Variants in GAK observed in about 807,000 individuals in gnomAD.
GAK encodes cyclin G associated kinase, also known as cyclin-G-associated kinase.
GAK carries 79 observed loss-of-function variants against 143.9 expected under a neutral mutation model. The observed-to-expected ratio is 0.55, with a 90% CI of 0.46 to 0.66. The LOEUF is 0.66. Ranked by LOEUF, GAK falls within the 30% of genes least tolerant of loss-of-function variation. The pLI is 0.00. For synonymous variants in GAK, 881 were observed against 765.5 expected (o/e 1.15, Z -2.49); for missense variants, 1,693 against 1,779.7 (o/e 0.95, Z 0.88).
At chr4:931,935 C>T (rs1725917267) in intron 1 of GAK, 108 bp downstream of exon 1, 2 of 814,998 alleles carry the variant, frequency 2.5e-6, no homozygotes, top group Non-Finnish European at 3.9e-6. Context: ...CCCGCTGGGA[C>T]CCTCCCCAGC....
intron 11 of GAK, 38 bp from the exon 12 acceptor site, chr4:884,124 A>G (rs774946095): frequency 1.3e-6 from 2 of 1,581,506 alleles, no homozygotes; most frequent in East Asian, 4.5e-5. Context: ...TATGACAAGA[A>G]ACACTCCGCA....
At chr4:876,874 T>G (rs1045123352) in intron 17 of GAK, among the ~76,000 whole-genome samples, 2 of 152,206 alleles carry the variant, frequency 1.3e-5, no homozygotes, top group Admixed American at 1.3e-4. Flanking sequence ...TCAGTCTCGA[T>G]GGAAACGCCA....
chr4:903,685 A>G lies in GAK; in HGVS notation c.525+952T>C, dbSNP rs980805906. Among the ~76,000 whole-genome samples, 807 of 118,596 alleles carry G rather than the reference A, an allele frequency of 6.8e-3. 1 individual carries two copies. The highest frequency in any genetic ancestry group is 0.017 in the African/African-American group (497 of 28,942). 77.8% of individuals were successfully genotyped at this position (118,596 alleles called of 152,430 possible). A position where few individuals can be genotyped will look rare whatever the true frequency, so the allele number is the denominator to read the frequency against. ...TGGGGTGAGCAGGAGTGCGGGGCCT[A>G]TAGTGACACCACCGGGGGGCGGTGG... On this transcript the variant is annotated intron_variant, in intron 5 of 27. Transcript: ENST00000314167.
At chr4:868,738 C>T in intron 19 of GAK, 53 bp from the exon 20 acceptor site, 2 of 1,519,570 alleles carry the variant, frequency 1.3e-6, no homozygotes, top group Admixed American at 2.0e-5. Context: ...AGCCTCGGGG[C>T]AACACTGACC....
At chr4:893,754 A>T in intron 8 of GAK, 120 bp downstream of exon 8, 1 of 1,233,756 alleles carries the variant, frequency 8.1e-7, no homozygotes, top group Non-Finnish European at 1.1e-6. Flanking sequence ...TGTCAAAACT[A>T]TGGTGACGGG....
chr4:902,596 C>CAAAAAAA lies in GAK; in HGVS notation c.525+2034_525+2040dup, dbSNP rs768017849. ...AGCCTGGGCTGTAGAGTGACTGACT[C>CAAAAAAA]AAAAAAAAAAAAAAAAAACCCCAAA... On this transcript the variant is annotated intron_variant, in intron 5 of 27. Coordinates refer to ENST00000314167, the MANE Select transcript of GAK (RefSeq NM_005255.4). Among the ~76,000 whole-genome samples the CAAAAAAA allele has an allele frequency of 1.5e-4, 9 of 60,722 alleles. 1 individual carries two copies. The highest frequency in any genetic ancestry group is 2.5e-4 in the African/African-American group (3 of 12,176). The allele number at this position is 60,722 out of a possible 152,430, so 39.8% of individuals were successfully genotyped here. A position where few individuals can be genotyped will look rare whatever the true frequency, so the allele number is the denominator to read the frequency against.
chr4:865,138 G>T lies in GAK; in HGVS notation c.3150C>A (p.Pro1050=). The stretch of plus-strand genomic sequence containing the variant: ...TGGCCATACCTTCTGTGGCTGGCGT[G>T]GGGGCCACTGCCGATGCTGCAGTCT... The part of the protein sequence containing the change: ...WTETAASAVA[P]TPATEGPLFS... Residue 1050 remains proline, a synonymous_variant, in exon 23 of 28, where the codon CCC becomes CCA. Coordinates refer to ENST00000314167, the MANE Select transcript of GAK (RefSeq NM_005255.4). The T allele has an allele frequency of 6.2e-7, 1 of 1,609,502 alleles. No homozygotes were observed. The highest frequency in any genetic ancestry group is 1.7e-4 in the Middle Eastern group (1 of 6,026).
intron 24 of GAK, among the ~76,000 whole-genome samples, chr4:854,872 CAT>C: frequency 6.6e-6 from 1 of 152,250 alleles, no homozygotes; most frequent in South Asian, 2.1e-4. Flanking sequence ...GGTGAAACCC[CAT>C]CTCTACTAAA....
intron 8 of GAK, 106 bp from the exon 9 acceptor site, chr4:893,595 C>T: frequency 2.5e-6 from 2 of 800,698 alleles, no homozygotes; most frequent in South Asian, 4.0e-5. Context: ...CCTCTACACA[C>T]ATCAGTGACG....
rs1432697280 is a variant in GAK at position 868,702 on chromosome 4, G to T, written c.2249-17C>A. 1 of 1,546,204 alleles carries T rather than the reference G, an allele frequency of 6.5e-7. No homozygotes were observed. The highest frequency in any genetic ancestry group is 8.7e-7 in the Non-Finnish European group (1 of 1,145,920). On this transcript the variant is annotated splice_polypyrimidine_tract_variant and intron_variant, in intron 19 of 27. Transcript: ENST00000314167. Reference sequence around the variant, plus strand: ...CCGGCTTCCCTGCAGGAGAGGGAGGGCGTCAGGGCACTGGCACTGGCCAGC... The same window carrying T: ...CCGGCTTCCCTGCAGGAGAGGGAGGTCGTCAGGGCACTGGCACTGGCCAGC...
intron 4 of GAK, among the ~76,000 whole-genome samples, chr4:907,846 A>T (rs2152924544): frequency 6.6e-6 from 1 of 152,304 alleles, no homozygotes; most frequent in East Asian, 1.9e-4. Flanking sequence ...ATGCTGCTCC[A>T]GACAGGCAGT....
chr4:860,555 TAAGA>T (rs1373532503), intron 23 of GAK, among the ~76,000 whole-genome samples: 1 of 152,126 alleles, frequency 6.6e-6, no homozygotes, highest in East Asian at 1.9e-4. Flanking sequence ...ACCTCATTCA[TAAGA>T]AAGAAATCAA....
rs34176109 is a variant in GAK, at chr4:920,539, A to ATTTTT, written c.146-6876_146-6872dup. Among the ~76,000 whole-genome samples the ATTTTT allele has an allele frequency of 2.5e-3, 327 of 129,514 alleles. 10 individuals are homozygous for ATTTTT. The highest frequency in any genetic ancestry group is 9.3e-3 in the African/African-American group (310 of 33,212). 85.0% of individuals were successfully genotyped at this position (129,514 alleles called of 152,430 possible). Reference sequence around the variant, plus strand: ...AAAATTGTGAAAAAGGTTTAGAGCCATTTTTTTTTTTTTTTTTTTTTTGAG... The same window carrying ATTTTT: ...AAAATTGTGAAAAAGGTTTAGAGCCATTTTTTTTTTTTTTTTTTTTTTTTTTTGAG... On this transcript the variant is annotated intron_variant, in intron 1 of 27. Transcript: ENST00000314167.
intron 22 of GAK, among the ~76,000 whole-genome samples, chr4:865,843 C>A (rs938328126): frequency 2.0e-5 from 3 of 152,250 alleles, no homozygotes; most frequent in African/African-American, 7.2e-5. Context: ...ACTGGAGGGG[C>A]GCGCAGCCCT....
At chr4:860,449 A>G (rs1416194973) in intron 23 of GAK, among the ~76,000 whole-genome samples, 1 of 152,194 alleles carries the variant, frequency 6.6e-6, no homozygotes, top group African/African-American at 2.4e-5. Flanking sequence ...CTATTTGAGG[A>G]AAAAGATGAA....
intron 1 of GAK, among the ~76,000 whole-genome samples, chr4:914,897 C>T (rs1467249463): frequency 5.9e-5 from 8 of 135,564 alleles, no homozygotes; most frequent in Non-Finnish European, 1.1e-4. Flanking sequence ...GCGTGCACGG[C>T]CCCACACACA....
intron 1 of GAK, among the ~76,000 whole-genome samples, chr4:918,497 G>A (rs964617237): frequency 6.6e-6 from 1 of 152,206 alleles, no homozygotes; most frequent in Non-Finnish European, 1.5e-5. Flanking sequence ...TGTACAACAC[G>A]GTGACTATAC....
intron 23 of GAK, 48 bp from the exon 24 acceptor site, chr4:859,770 A>G (rs762473839): frequency 1.6e-5 from 22 of 1,370,006 alleles, no homozygotes; most frequent in Non-Finnish European, 2.2e-5. Flanking sequence ...CTGAAGCGAA[A>G]CACATCCTCC....
At position 888,958 on chromosome 4, in the gene GAK, G is replaced by A. The variant is rs41286657; in HGVS notation, c.1094C>T (p.Ala365Val). 5.7e-4 allele frequency: 924 copies of A among 1,611,080 alleles called. 5 individuals are homozygous for A. Among genetic ancestry groups the A allele is most frequent in the Admixed American group, 3.3e-3 (199 of 59,916 alleles). ...GCCGCCATACGGCTGGTCGTACTCCGCCAGCGCCAGGCCTGCAGGGAGACA... is the reference window on the plus strand; with the variant it reads ...GCCGCCATACGGCTGGTCGTACTCCACCAGCGCCAGGCCTGCAGGGAGACA... ...GSGYSGGLAL[A>V]EYDQPYGGFL... The change falls in exon 11 of 28, where the codon GCG (alanine) becomes GTG (valine). Residue 365 changes from alanine to valine, a missense_variant. Coordinates refer to ENST00000314167, the MANE Select transcript of GAK (RefSeq NM_005255.4).
Sources: gnomAD v4.1 joint callset for allele counts (sites outside exome capture counted in the v4.1 genomes callset) on GRCh38, gnomAD v4.1.1 for gene constraint, MANE v1.5 for transcripts, NCBI Gene and HGNC (gene_info 2026-07-23, HGNC 2026-07-21) for gene names.